NEK10: variants seen among roughly 807,000 people sequenced by gnomAD.
NEK10 encodes the protein serine/threonine-protein kinase Nek10.
NEK10 carries 122 observed loss-of-function variants against 159.8 expected under a neutral mutation model. The observed-to-expected ratio is 0.76, with a 90% CI of 0.66 to 0.89. The LOEUF (loss-of-function observed/expected upper bound fraction) is 0.89. Among genes scored for constraint, NEK10 ranks in the 40% least tolerant of loss-of-function variants. NEK10 has a pLI of 0.00. For missense variants in NEK10, 1,342 were observed against 1,323.1 expected (o/e 1.01, Z -0.22); for synonymous variants, 466 against 457.1 (o/e 1.02, Z -0.25).
At chr3:27,267,017 GTAGAT>G (rs984011901) in intron 22 of NEK10, among the ~76,000 whole-genome samples, 6 of 152,132 alleles carry the variant, frequency 3.9e-5, no homozygotes, top group African/African-American at 1.4e-4. Context: ...ACCTCCACAG[GTAGAT>G]TCCCAGTAAC....
chr3:27,331,478 T>G (rs926112056), intron 5 of NEK10, among the ~76,000 whole-genome samples: 19 of 152,116 alleles, frequency 1.2e-4, no homozygotes, highest in Non-Finnish European at 2.5e-4. Context: ...AAAAAGCATC[T>G]CTTCATTAGC....
chr3:27,200,117 A>T lies in NEK10; in HGVS notation c.2291+1393T>A, dbSNP rs1055601985. ...ATGTACCTCTGAACTTAAAAATTTT[A>T]AAAAAATCAATTAAAAAAATAAGAC... On this transcript the variant is annotated intron_variant, in intron 25 of 35. Transcript: ENST00000691995. Among the ~76,000 whole-genome samples, 41 of 152,184 alleles carry T rather than the reference A, an allele frequency of 2.7e-4. 1 individual carries two copies. Among genetic ancestry groups the T allele is most frequent in the South Asian group, 8.3e-4 (4 of 4,830 alleles).
chr3:27,218,115 C>T (rs917724054), intron 23 of NEK10, among the ~76,000 whole-genome samples: 47 of 151,576 alleles, frequency 3.1e-4, no homozygotes, highest in Admixed American at 3.1e-3. Flanking sequence ...GTAGATAGAG[C>T]ATGCAGTGTG....
intron 23 of NEK10, among the ~76,000 whole-genome samples, chr3:27,236,683 T>C (rs759547718): frequency 1.3e-5 from 2 of 152,000 alleles, no homozygotes; most frequent in Non-Finnish European, 2.9e-5. Context: ...GGAGAGGGTG[T>C]ATGAACAGGG....
intron 1 of NEK10, among the ~76,000 whole-genome samples, chr3:27,365,264 C>T (rs2048972559): frequency 6.6e-6 from 1 of 152,066 alleles, no homozygotes; most frequent in Non-Finnish European, 1.5e-5. Flanking sequence ...TTTATCTGTC[C>T]TGCTTGTAGT....
intron 22 of NEK10, among the ~76,000 whole-genome samples, chr3:27,271,149 TTCTATCTATCTA>T (rs72089289): frequency 0.048 from 7,065 of 148,140 alleles, 275 homozygotes; most frequent in Non-Finnish European, 0.065. Flanking sequence ...TCTATCTATC[TTCTATCTATCTA>T]TCTATCTATC....
chr3:27,284,519 G>T (rs778550375), intron 22 of NEK10, 83 bp downstream of exon 22: 14 of 785,288 alleles, frequency 1.8e-5, no homozygotes, highest in Non-Finnish European at 2.6e-5. Context: ...TCCCATGAGT[G>T]CCAAAAGTTC....
At chr3:27,180,573 T>C (rs771229687) in intron 26 of NEK10, among the ~76,000 whole-genome samples, 2 of 152,134 alleles carry the variant, frequency 1.3e-5, no homozygotes, top group Non-Finnish European at 2.9e-5. Flanking sequence ...TTAAAGAGTA[T>C]GGAATTAGAA....
chr3:27,246,267 T>C (rs1955052344), intron 23 of NEK10, among the ~76,000 whole-genome samples: 1 of 152,198 alleles, frequency 6.6e-6, no homozygotes, highest in Admixed American at 6.5e-5. Flanking sequence ...AGGTTTGTTA[T>C]ATAGGTAAAC....
intron 23 of NEK10, among the ~76,000 whole-genome samples, chr3:27,237,178 T>G (rs544591331): frequency 7.7e-4 from 118 of 152,282 alleles, no homozygotes; most frequent in African/African-American, 2.3e-3. Context: ...GTCAGACCTT[T>G]GGTTGTCTTC....
At chr3:27,222,300 G>C (rs1952196045) in intron 23 of NEK10, among the ~76,000 whole-genome samples, 1 of 152,186 alleles carries the variant, frequency 6.6e-6, no homozygotes. Flanking sequence ...TTGAACCTGA[G>C]AGGCAGAGGT....
At chr3:27,310,797 A>C (rs2044630172) in intron 9 of NEK10, 152 bp downstream of exon 9, 4 of 502,000 alleles carry the variant, frequency 8.0e-6, no homozygotes, top group Non-Finnish European at 3.5e-6. Context: ...TAAAGAATAT[A>C]AAAGGGTTGA....
chr3:27,317,881 C>A (rs2045328917), intron 6 of NEK10, among the ~76,000 whole-genome samples: 1 of 152,174 alleles, frequency 6.6e-6, no homozygotes, highest in Non-Finnish European at 1.5e-5. Flanking sequence ...TGGCTCACTG[C>A]AAGCTCCGCC....
At chr3:27,332,861 A>G (rs2046523267) in intron 5 of NEK10, among the ~76,000 whole-genome samples, 1 of 152,166 alleles carries the variant, frequency 6.6e-6, no homozygotes, top group Admixed American at 6.5e-5. Flanking sequence ...ATCAAACTCT[A>G]CTACACACAA....
rs772217491 is a variant in NEK10 at position 27,293,670 on chromosome 3, A to ATG, written c.1309-20_1309-19dup. ...GCATAACACTAGAAAACAAAAGGATATGTGATTCTCAAATGGTAGCTCAAC... is the reference window on the plus strand; with the variant it reads ...GCATAACACTAGAAAACAAAAGGATATGTGTGATTCTCAAATGGTAGCTCAAC... On this transcript the variant is annotated intron_variant, in intron 15 of 35. Coordinates refer to ENST00000691995, the MANE Select transcript of NEK10 (RefSeq NM_001394966.1). The ATG allele has an allele frequency of 7.1e-7, 1 of 1,400,274 alleles. No individual in the cohort carries two copies. The highest frequency in any genetic ancestry group is 1.0e-6 in the Non-Finnish European group (1 of 1,000,742). 86.7% of individuals were successfully genotyped at this position (1,400,274 alleles called of 1,614,324 possible).
In NEK10 at chr3:27,108,513, G is replaced by A. The variant is rs116865950; in HGVS notation, c.*2759C>T. On this transcript the variant is annotated 3_prime_UTR_variant, in exon 36 of 36. Transcript: ENST00000691995. Reference sequence around the variant, plus strand: ...GCTGGTGGGTCGAAACATAATTAACGGGAGCATTTGTGTTTCAAAAGTAAT... The same window carrying A: ...GCTGGTGGGTCGAAACATAATTAACAGGAGCATTTGTGTTTCAAAAGTAAT... Among the ~76,000 whole-genome samples, 201 of 152,280 alleles carry A rather than the reference G, an allele frequency of 1.3e-3. 3 individuals are homozygous for A. The highest frequency in any genetic ancestry group is 0.012 in the East Asian group (60 of 5,186).
At position 27,352,838 on chromosome 3, in the gene NEK10, A is replaced by C. The variant is rs768983263; in HGVS notation, c.45T>G (p.Thr15=). The stretch of plus-strand genomic sequence containing the variant: ...TGATGGTGATTTCTTGCTGTTTATC[A>C]GTTGATTTTTCTGTGGTCTTCACCT... ...DKKVKTTEKS[T]DKQQEITIRD... is the part of the protein sequence containing the mutation. Residue 15 remains threonine (T), a synonymous_variant, in exon 2 of 36, where the codon ACT becomes ACG. Coordinates refer to ENST00000691995, the MANE Select transcript of NEK10 (RefSeq NM_001394966.1). The C allele has an allele frequency of 9.3e-6, 15 of 1,610,794 alleles. No homozygotes were observed. The highest frequency in any genetic ancestry group is 1.7e-4 in the Middle Eastern group (1 of 6,060).
intron 5 of NEK10, among the ~76,000 whole-genome samples, chr3:27,334,195 A>G (rs1391712683): frequency 6.6e-6 from 1 of 152,158 alleles, no homozygotes; most frequent in Middle Eastern, 3.2e-3. Flanking sequence ...AGCCACTACA[A>G]CCACAGCTGG....
chr3:27,141,482 C>T lies in NEK10; in HGVS notation c.2970G>A (p.Gln990=). ...GGAAATAAAAAGCTAGAACACTGAC[C>T]TGTGTGATATAGATTATTTTGTGCA... ...IQLHKIIYIT[Q]LPPALHHNLK... Residue 990 remains glutamine (Q), a splice_region_variant and synonymous_variant, in exon 31 of 36, where the codon CAG becomes CAA. Transcript: ENST00000691995. The T allele has an allele frequency of 6.2e-7, 1 of 1,600,604 alleles. No individual in the cohort carries two copies. The highest frequency in any genetic ancestry group is 8.5e-7 in the Non-Finnish European group (1 of 1,171,142).
Sources: allele counts gnomAD v4.1 joint callset (sites outside exome capture counted in the v4.1 genomes callset), GRCh38; gene constraint gnomAD v4.1.1; transcripts MANE v1.5; gene names NCBI Gene and HGNC (gene_info 2026-07-23, HGNC 2026-07-21).